Variants in NMS observed in about 807,000 individuals in gnomAD.
NMS encodes neuromedin-S.
A neutral mutation model predicts 32.2 loss-of-function variants in NMS; 30 were observed. That is an observed-to-expected ratio of 0.93 (90% CI 0.70 to 1.26). The LOEUF is 1.26. Among genes scored for constraint, NMS ranks in the 50% most tolerant of loss-of-function variants. NMS has a pLI of 0.00. For synonymous variants in NMS, 76 were observed against 58.5 expected (o/e 1.30, Z -1.37); for missense variants, 190 against 186.3 (o/e 1.02, Z -0.12).
intron 1 of NMS, among the ~76,000 whole-genome samples, chr2:100,471,035 G>A (rs990284073): frequency 6.6e-6 from 1 of 152,336 alleles, no homozygotes; most frequent in Non-Finnish European, 1.5e-5. Context: ...CTTTCCATTG[G>A]GTTTTAGAGA....
intron 9 of NMS, 127 bp downstream of exon 9, chr2:100,482,438 C>T: frequency 3.5e-6 from 3 of 852,640 alleles, no homozygotes; most frequent in Non-Finnish European, 5.8e-6. Flanking sequence ...CCCTTCATAA[C>T]CCCCAGGAAC....
At chr2:100,479,323 T>C in intron 5 of NMS, 30 bp from the exon 6 acceptor site, 1 of 1,577,624 alleles carries the variant, frequency 6.3e-7, no homozygotes, top group Non-Finnish European at 8.7e-7. Flanking sequence ...TGTCCCCCTG[T>C]CTGACCCTCT....
chr2:100,471,634 G>A (rs1286987872), intron 1 of NMS, among the ~76,000 whole-genome samples: 1 of 151,846 alleles, frequency 6.6e-6, no homozygotes, highest in South Asian at 2.1e-4. Context: ...TTTCCTGTTT[G>A]ACTTTATGTT....
At chr2:100,474,425 T>G (rs894883166) in intron 3 of NMS, among the ~76,000 whole-genome samples, 4 of 152,180 alleles carry the variant, frequency 2.6e-5, no homozygotes, top group African/African-American at 9.7e-5. Flanking sequence ...GCCCTTGACG[T>G]CCTTGCACAA....
intron 1 of NMS, 139 bp downstream of exon 1, chr2:100,470,703 TG>T: frequency 1.3e-6 from 1 of 742,576 alleles, no homozygotes; most frequent in South Asian, 1.5e-5. Context: ...GGCTGCAATT[TG>T]TTGGAACCTT....
rs1677134487 is a variant in NMS at position 100,477,477 on chromosome 2, T to C, written c.261+63T>C. 4 of 1,228,036 alleles carry C rather than the reference T, an allele frequency of 3.3e-6. No homozygotes were observed. The Admixed American group carries it at 7.4e-5, about 23-fold the overall frequency. The allele number at this position is 1,228,036 out of a possible 1,614,324, so 76.1% of individuals were successfully genotyped here. The stretch of plus-strand genomic sequence containing the variant: ...GCTCTCCTCTGCATGTCGTCCATCC[T>C]TTCTTAATATGTGCAGACAAGTAGA... On this transcript the variant is annotated intron_variant, in intron 5 of 9. Transcript: ENST00000376865.
At position 100,477,285 on chromosome 2, in the gene NMS, C is replaced by T. The variant is rs1331268126; in HGVS notation, c.207+18C>T. On this transcript the variant is annotated intron_variant, in intron 4 of 9. Transcript: ENST00000376865. ...ACAAAAGGGTGAGTACCACCTAGCC[C>T]TGTACAAGTGCATGCAGCTTCCATG... is the stretch of plus-strand genomic sequence containing the variant. 1.2e-6 allele frequency: 2 copies of T among 1,612,152 alleles called. No individual in the cohort carries two copies. Among genetic ancestry groups the T allele is most frequent in the Non-Finnish European group, 1.7e-6 (2 of 1,178,292 alleles).
In NMS at chr2:100,479,403, G is replaced by GC; in HGVS notation, c.313dup (p.Arg105ProfsTer42). On this transcript the variant is annotated frameshift_variant, in exon 6 of 10. Coordinates refer to ENST00000376865, the MANE Select transcript of NMS (RefSeq NM_001011717.1). LOFTEE classifies it high-confidence loss of function. ...ACCTGGCTGCCAAGCTCGCCAACAG[G>GC]CGGATGAAGAGAATTCTGCAGCGAG... 1.2e-6 allele frequency: 2 copies of GC among 1,611,292 alleles called. No homozygotes were observed. The highest frequency in any genetic ancestry group is 1.7e-6 in the Non-Finnish European group (2 of 1,178,760).
chr2:100,470,509 G>A lies in NMS; in HGVS notation c.21G>A (p.Gln7=), dbSNP rs1179837290. The change falls in exon 1 of 10, where the codon CAG becomes CAA. Residue 7 remains glutamine, a synonymous_variant. Transcript: ENST00000376865. MKHLRP[Q]FPLILAIYCF... ...TCACAATGAAACATCTTCGTCCCCA[G>A]TTCCCTCTCATCTTGGCCATCTACT... 1.2e-6 allele frequency: 2 copies of A among 1,613,884 alleles called. No homozygotes were observed. The highest frequency in any genetic ancestry group is 1.7e-6 in the Non-Finnish European group (2 of 1,179,856).
At chr2:100,482,099 A>T (rs1375708755) in intron 8 of NMS, among the ~76,000 whole-genome samples, 178 bp from the exon 9 acceptor site, 1 of 152,054 alleles carries the variant, frequency 6.6e-6, no homozygotes, top group Non-Finnish European at 1.5e-5. Context: ...GTCCCAGAGG[A>T]CCTACGGACT....
intron 5 of NMS, among the ~76,000 whole-genome samples, chr2:100,477,793 G>T (rs1383340037): frequency 6.6e-6 from 1 of 152,158 alleles, no homozygotes; most frequent in Non-Finnish European, 1.5e-5. Flanking sequence ...CCATCCCCCA[G>T]TGGTGATCCA....
In NMS at chr2:100,470,579, C is replaced by T. The variant is rs1223146123; in HGVS notation, c.76+15C>T. ...TCCCTCCTCAGGTAAGGGGAGCTTC[C>T]TCAGACTCCATCTGGCCTAAACTCT... On this transcript the variant is annotated intron_variant, in intron 1 of 9. Transcript: ENST00000376865. 3.7e-6 allele frequency: 6 copies of T among 1,603,026 alleles called. No homozygotes were observed. Among genetic ancestry groups the T allele is most frequent in the Non-Finnish European group, 4.3e-6 (5 of 1,170,056 alleles).
chr2:100,476,672 G>T (rs1677114889), intron 3 of NMS, among the ~76,000 whole-genome samples: 2 of 143,120 alleles, frequency 1.4e-5, no homozygotes, highest in African/African-American at 5.3e-5. Flanking sequence ...TTACGCTATG[G>T]TTTTGTAAGA....
intron 5 of NMS, among the ~76,000 whole-genome samples, chr2:100,477,890 A>G (rs1201728720): frequency 3.9e-5 from 6 of 152,146 alleles, no homozygotes; most frequent in African/African-American, 1.4e-4. Flanking sequence ...TACAGATTTG[A>G]GTTACCCTCG....
At chr2:100,477,042 G>T (rs114303521) in intron 3 of NMS, among the ~76,000 whole-genome samples, 1 of 152,124 alleles carries the variant, frequency 6.6e-6, no homozygotes, top group East Asian at 1.9e-4. Context: ...ATGATGTATT[G>T]CTGGCAATTT....
At chr2:100,482,188 T>C in intron 8 of NMS, 89 bp from the exon 9 acceptor site, 1 of 1,303,686 alleles carries the variant, frequency 7.7e-7, no homozygotes, top group Admixed American at 1.7e-5. Flanking sequence ...AATGAGGCCT[T>C]AGGGTTCAAC....
At chr2:100,471,930 T>C (rs1435926831) in intron 1 of NMS, among the ~76,000 whole-genome samples, 1 of 152,058 alleles carries the variant, frequency 6.6e-6, no homozygotes, top group Non-Finnish European at 1.5e-5. Flanking sequence ...AAAACTATGC[T>C]CAGTGCCTTT....
At chr2:100,477,495 C>T (rs754885715) in intron 5 of NMS, 81 bp downstream of exon 5, 1 of 1,071,918 alleles carries the variant, frequency 9.3e-7, no homozygotes, top group Non-Finnish European at 1.4e-6. Context: ...TATGTGCAGA[C>T]AAGTAGAAAA....
chr2:100,475,895 A>G (rs1677099111), intron 3 of NMS, among the ~76,000 whole-genome samples: 1 of 151,196 alleles, frequency 6.6e-6, no homozygotes, highest in South Asian at 2.1e-4. Flanking sequence ...GCTACTCAGG[A>G]GGCTGAGGCA....
Sources: allele counts gnomAD v4.1 joint callset (sites outside exome capture counted in the v4.1 genomes callset), GRCh38; gene constraint gnomAD v4.1.1; transcripts MANE v1.5; gene names NCBI Gene and HGNC (gene_info 2026-07-23, HGNC 2026-07-21).